The following NXPE2 variants were observed in gnomAD, a reference collection of about 807,000 sequenced individuals.
NXPE2 encodes neurexophilin and PC-esterase domain family member 2.
In NXPE2, 34 loss-of-function variants were observed where a neutral mutation model predicts 34.4. The ratio of observed to expected loss-of-function variants is 0.99; its 90% CI spans 0.75 to 1.31. The LOEUF is 1.31. Among genes scored for constraint, NXPE2 ranks in the 40% most tolerant of loss-of-function variants. NXPE2 has a pLI of 0.00. For synonymous variants in NXPE2, 235 were observed against 231.3 expected (o/e 1.02, Z -0.15); for missense variants, 649 against 672.5 (o/e 0.97, Z 0.39).
the NXPE2 span, among the ~76,000 whole-genome samples, chr11:114,518,678 A>G: frequency 1.3e-5 from 2 of 152,196 alleles, no homozygotes; most frequent in African/African-American, 4.8e-5. Context: ...AGTGTCAAAA[A>G]TCTTGACTCA....
the NXPE2 span, among the ~76,000 whole-genome samples, chr11:114,520,877 A>G: frequency 6.6e-6 from 1 of 152,190 alleles, no homozygotes; most frequent in Non-Finnish European, 1.5e-5. Context: ...GCATCAAATC[A>G]TGTAGGACAT....
At chr11:114,629,645 A>G in the NXPE2 span, among the ~76,000 whole-genome samples, 3 of 152,080 alleles carry the variant, frequency 2.0e-5, no homozygotes, top group Non-Finnish European at 2.9e-5. Context: ...ACTCCTATTC[A>G]TCAGAGTGTT....
At chr11:114,678,288 G>A, upstream of NXPE2, 1 of 289,264 alleles carries the variant, frequency 3.5e-6, no homozygotes, top group South Asian at 5.9e-5. Context: ...AACACGTAAA[G>A]CCTTAACCAA....
chr11:114,623,763 A>T, the NXPE2 span, among the ~76,000 whole-genome samples: 1 of 151,382 alleles, frequency 6.6e-6, no homozygotes, highest in African/African-American at 2.4e-5. Flanking sequence ...TGGATAATAC[A>T]TGTTGCCTCG....
At chr11:114,640,055 AATTT>A in the NXPE2 span, among the ~76,000 whole-genome samples, 6 of 117,948 alleles carry the variant, frequency 5.1e-5, no homozygotes, top group Admixed American at 6.0e-4. Context: ...TATAATATAT[AATTT>A]ATTTAAAATA....
At chr11:114,791,002 G>A in the NXPE2 span, among the ~76,000 whole-genome samples, 1 of 151,882 alleles carries the variant, frequency 6.6e-6, no homozygotes, top group Non-Finnish European at 1.5e-5. Context: ...GTATCTCCAA[G>A]GGGAAGGCAG....
At chr11:114,589,750 C>T in the NXPE2 span, among the ~76,000 whole-genome samples, 2 of 152,100 alleles carry the variant, frequency 1.3e-5, no homozygotes, top group African/African-American at 4.8e-5. Flanking sequence ...TCCCCTAAAG[C>T]CAGAGGGTAA....
the NXPE2 span, among the ~76,000 whole-genome samples, chr11:114,565,631 T>A: frequency 6.6e-6 from 1 of 151,540 alleles, no homozygotes; most frequent in African/African-American, 2.4e-5. Context: ...TGGAGTGATC[T>A]AGTTTTACAT....
the NXPE2 span, among the ~76,000 whole-genome samples, chr11:114,570,277 C>A: frequency 5.3e-5 from 8 of 152,158 alleles, no homozygotes; most frequent in African/African-American, 1.9e-4. Flanking sequence ...CAGGTGTGAG[C>A]CACTGCACCC....
the NXPE2 span, among the ~76,000 whole-genome samples, chr11:114,561,630 G>A: frequency 1.2e-4 from 19 of 152,090 alleles, no homozygotes; most frequent in African/African-American, 4.6e-4. Flanking sequence ...TCTTAGCCTT[G>A]AGGATACTGT....
At chr11:114,534,824 C>T in the NXPE2 span, among the ~76,000 whole-genome samples, 5 of 152,234 alleles carry the variant, frequency 3.3e-5, no homozygotes, top group Non-Finnish European at 7.4e-5. Context: ...CTGAAAGTGA[C>T]GGGGAGAATG....
chr11:114,696,522 C>T (rs1219742210), intron 2 of NXPE2, among the ~76,000 whole-genome samples: 1 of 151,726 alleles, frequency 6.6e-6, no homozygotes, highest in Non-Finnish European at 1.5e-5. Context: ...ATTTCAGAAC[C>T]AGGAAAATTA....
the NXPE2 span, among the ~76,000 whole-genome samples, chr11:114,654,302 G>A: frequency 2.0e-5 from 3 of 151,994 alleles, no homozygotes; most frequent in Non-Finnish European, 4.4e-5. Flanking sequence ...TCAAGCTACC[G>A]GATCTCAGGA....
chr11:114,751,038 G>A, the NXPE2 span, among the ~76,000 whole-genome samples: 1 of 152,162 alleles, frequency 6.6e-6, no homozygotes, highest in African/African-American at 2.4e-5. Flanking sequence ...AGGGACTCAG[G>A]CTGTCAAAGG....
the NXPE2 span, among the ~76,000 whole-genome samples, chr11:114,647,940 T>G: frequency 6.6e-6 from 1 of 152,190 alleles, no homozygotes; most frequent in African/African-American, 2.4e-5. Flanking sequence ...GACCTCGTGA[T>G]CCACCTGCCT....
the NXPE2 span, among the ~76,000 whole-genome samples, chr11:114,630,994 G>A: frequency 6.6e-6 from 1 of 150,934 alleles, no homozygotes; most frequent in Non-Finnish European, 1.5e-5. Context: ...ACACCAGTTA[G>A]AATGGCAATC....
chr11:114,529,915 C>T, the NXPE2 span: 2 of 427,114 alleles, frequency 4.7e-6, no homozygotes, highest in African/African-American at 2.0e-5. Flanking sequence ...ATACACTTAT[C>T]AAGGAATCTT....
chr11:114,788,934 G>A, the NXPE2 span, among the ~76,000 whole-genome samples: 1 of 152,180 alleles, frequency 6.6e-6, no homozygotes, highest in East Asian at 1.9e-4. Flanking sequence ...CTAGCAAGTA[G>A]GTGGTGTTCA....
At chr11:114,790,996 C>T in the NXPE2 span, among the ~76,000 whole-genome samples, 1 of 151,164 alleles carries the variant, frequency 6.6e-6, no homozygotes, top group Non-Finnish European at 1.5e-5. Context: ...GGAGGCGTAT[C>T]TCCAAGGGGA....
Sources: gnomAD v4.1 joint callset for allele counts (sites outside exome capture counted in the v4.1 genomes callset) on GRCh38, gnomAD v4.1.1 for gene constraint, MANE v1.5 for transcripts, NCBI Gene and HGNC (gene_info 2026-07-23, HGNC 2026-07-21) for gene names.